Variants in CASZ1 observed in about 807,000 individuals in gnomAD.
CASZ1 encodes castor zinc finger 1, also known as zinc finger protein castor homolog 1.
A neutral mutation model predicts 135.2 loss-of-function variants in CASZ1; 28 were observed. The ratio of observed to expected loss-of-function variants is 0.21; its 90% CI spans 0.15 to 0.28. The LOEUF is 0.28. Ranked by LOEUF, CASZ1 falls within the 10% of genes least tolerant of loss-of-function variation. The probability of loss-of-function intolerance (pLI) is 1.00; values close to 1 mark genes in which losing one functional copy is unlikely to be tolerated. For missense variants in CASZ1, 2,161 were observed against 2,453.3 expected, an observed-to-expected ratio of 0.88 and a Z score of 2.52; for synonymous variants, 1,068 against 1,073.4, an observed-to-expected ratio of 0.99 and a Z score of 0.10.
intron 4 of CASZ1, among the ~76,000 whole-genome samples, chr1:10,685,252 T>A (rs190859788): frequency 3.3e-5 from 5 of 151,534 alleles, no homozygotes; most frequent in Admixed American, 2.6e-4. Context: ...TAGAGGGGAG[T>A]CTGGGGAGAA....
At position 10,774,269 on chromosome 1, in the gene CASZ1, C is replaced by G. The variant is rs1001786068; in HGVS notation, c.-233-13412G>C. On this transcript the variant is annotated intron_variant, in intron 1 of 20. Coordinates refer to ENST00000377022, the MANE Select transcript of CASZ1 (RefSeq NM_001079843.3). The surrounding 1 kb of genome is among the most constrained non-coding windows in gnomAD (Gnocchi z 4.4). Reference sequence around the variant, plus strand: ...GTATATCTCCTGACTCTCGGAGAATCGGGAACCATTTCAAAAGCTAAACAA... The same window carrying G: ...GTATATCTCCTGACTCTCGGAGAATGGGGAACCATTTCAAAAGCTAAACAA... 6.6e-6 allele frequency among the ~76,000 whole-genome samples: 1 copy of G among 152,156 alleles called. No individual in the cohort carries two copies. Among genetic ancestry groups the G allele is most frequent in the Non-Finnish European group, 1.5e-5 (1 of 68,008 alleles).
rs1215332251 is a variant in CASZ1 at position 10,709,179 on chromosome 1, C to T, written c.-76-3635G>A. Among the ~76,000 whole-genome samples the T allele has an allele frequency of 2.0e-5, 3 of 152,160 alleles. No individual in the cohort carries two copies. The highest frequency in any genetic ancestry group is 4.4e-5 in the Non-Finnish European group (3 of 68,014). On this transcript the variant is annotated intron_variant, in intron 2 of 20. Coordinates refer to ENST00000377022, the MANE Select transcript of CASZ1 (RefSeq NM_001079843.3). The surrounding 1 kb of genome is among the most constrained non-coding windows in gnomAD (Gnocchi z 5.1). ...GCTGCCCAGCTCCATATTTATGAAG[C>T]ACCAGGCCAGGCTCCTCGGCCAGCA... is the stretch of plus-strand genomic sequence containing the variant.
chr1:10,643,115 G>A (rs767080547), intron 19 of CASZ1, 45 bp downstream of exon 19: 14 of 1,602,080 alleles, frequency 8.7e-6, no homozygotes, highest in East Asian at 6.7e-5. Flanking sequence ...ACCATGATGC[G>A]TTCCCGCCAC....
intron 15 of CASZ1, 69 bp from the exon 16 acceptor site, chr1:10,648,208 C>A: frequency 8.6e-7 from 1 of 1,160,008 alleles, no homozygotes; most frequent in Non-Finnish European, 1.2e-6. Context: ...ATGCATGTGA[C>A]CCCATCACAG....
In CASZ1 at chr1:10,788,507, G is replaced by A. The variant is rs776913; in HGVS notation, c.-234+8057C>T. Reference sequence around the variant, plus strand: ...AAGTATAAGCAACATTTATGCTTACGAGATTTTTTTTATTAAGAGGATTCT... The same window carrying A: ...AAGTATAAGCAACATTTATGCTTACAAGATTTTTTTTATTAAGAGGATTCT... On this transcript the variant is annotated intron_variant, in intron 1 of 20. Transcript: ENST00000377022. The surrounding 1 kb of genome is among the most constrained non-coding windows in gnomAD (Gnocchi z 4.1). Among the ~76,000 whole-genome samples the A allele has an allele frequency of 0.053, 8,125 of 152,258 alleles. 738 individuals carry two copies. The highest frequency in any genetic ancestry group is 0.18 in the African/African-American group (7,534 of 41,510).
chr1:10,786,701 C>A (rs368396965), intron 1 of CASZ1, among the ~76,000 whole-genome samples: 1 of 152,172 alleles, frequency 6.6e-6, no homozygotes, highest in African/African-American at 2.4e-5. Context: ...CGATTTTGAT[C>A]CCCAGCTAAC....
chr1:10,669,761 C>T (rs373690775), intron 4 of CASZ1, among the ~76,000 whole-genome samples: 5 of 142,218 alleles, frequency 3.5e-5, no homozygotes, highest in South Asian at 2.6e-4. Context: ...CCTGCCTCAA[C>T]GGTGGGTGGG....
At chr1:10,778,581 T>C (rs1056647753) in intron 1 of CASZ1, among the ~76,000 whole-genome samples, 3 of 152,090 alleles carry the variant, frequency 2.0e-5, no homozygotes, top group Admixed American at 2.0e-4. Flanking sequence ...AAACAACATA[T>C]GATCTCACAC....
chr1:10,656,562 C>T (rs1642803289), intron 8 of CASZ1, 84 bp downstream of exon 8: 3 of 1,061,768 alleles, frequency 2.8e-6, no homozygotes, highest in Non-Finnish European at 4.2e-6. Flanking sequence ...ACCCCCCCCA[C>T]TGCCGTCCCC....
chr1:10,664,822 C>G (rs2100288097), intron 5 of CASZ1, among the ~76,000 whole-genome samples: 1 of 150,062 alleles, frequency 6.7e-6, no homozygotes, highest in East Asian at 2.0e-4. Context: ...CTCCCTCCCT[C>G]CCTCCCCACC....
In CASZ1 at chr1:10,647,980, G is replaced by C; in HGVS notation, c.3318C>G (p.Ser1106Arg). ...TGGGGGTGGAGGGCACGGAGGCCGG[G>C]CTGGGAGCGGGCCCCTCCAGAGAGG... is the stretch of plus-strand genomic sequence containing the variant. ...TVSSLEGPAP[S>R]PASVPSTPTL... The change falls in exon 16 of 21, where the codon AGC (serine) becomes AGG (arginine). Residue 1106 changes from serine (S) to arginine (R), a missense_variant. Physicochemically the swap from Ser to Arg is moderately radical, Grantham distance 110. Coordinates refer to ENST00000377022, the MANE Select transcript of CASZ1 (RefSeq NM_001079843.3). The surrounding 1 kb of genome is among the most constrained non-coding windows in gnomAD (Gnocchi z 4.9). 1 of 1,607,204 alleles carries C rather than the reference G, an allele frequency of 6.2e-7. No homozygotes were observed. Among genetic ancestry groups the C allele is most frequent in the Non-Finnish European group, 8.5e-7 (1 of 1,176,428 alleles).
rs1456335301 is a variant in CASZ1, at chr1:10,725,156, G to A, written c.-76-19612C>T. Among the ~76,000 whole-genome samples, 9 of 152,306 alleles carry A rather than the reference G, an allele frequency of 5.9e-5. No homozygotes were observed. The East Asian group carries it at 1.7e-3, about 29-fold the overall frequency. ...TTCCCTAGTTGGCCAGGGAGCCCTGGATGGATACGGCGAGAACGTGTTAAG... is the reference window on the plus strand; with the variant it reads ...TTCCCTAGTTGGCCAGGGAGCCCTGAATGGATACGGCGAGAACGTGTTAAG... On this transcript the variant is annotated intron_variant, in intron 2 of 20. Transcript: ENST00000377022. The surrounding 1 kb of genome is among the most constrained non-coding windows in gnomAD (Gnocchi z 4.4).
chr1:10,710,070 G>A (rs1639257660), intron 2 of CASZ1, among the ~76,000 whole-genome samples: 1 of 152,228 alleles, frequency 6.6e-6, no homozygotes, highest in Admixed American at 6.5e-5. Flanking sequence ...AAGGGCCCTC[G>A]TCCTTTGGGG....
chr1:10,769,410 T>C (rs1363133838), intron 1 of CASZ1, among the ~76,000 whole-genome samples: 1 of 152,228 alleles, frequency 6.6e-6, no homozygotes, highest in Non-Finnish European at 1.5e-5. Context: ...AGCTAGAGGC[T>C]TGGATAGCAC....
chr1:10,656,784 C>T, intron 7 of CASZ1, 48 bp from the exon 8 acceptor site: 2 of 1,022,312 alleles, frequency 2.0e-6, no homozygotes, highest in Non-Finnish European at 1.5e-6. Context: ...GGTGACAGTC[C>T]CAGCCCCAGC....
At position 10,739,202 on chromosome 1, in the gene CASZ1, T is replaced by A. The variant is rs970913714; in HGVS notation, c.-77+21499A>T. Among the ~76,000 whole-genome samples the A allele has an allele frequency of 6.6e-6, 1 of 152,182 alleles. No individual in the cohort carries two copies. The highest frequency in any genetic ancestry group is 2.4e-5 in the African/African-American group (1 of 41,450). ...CAGGCCGGCGGCCAGTCCCCGGGCG[T>A]ACAGCGTGCGGTGCAACCTGCAGCT... On this transcript the variant is annotated intron_variant, in intron 2 of 20. Transcript: ENST00000377022. The surrounding 1 kb of genome is among the most constrained non-coding windows in gnomAD (Gnocchi z 4.8).
chr1:10,677,987 G>A (rs995153495), intron 4 of CASZ1, among the ~76,000 whole-genome samples: 1 of 152,202 alleles, frequency 6.6e-6, no homozygotes, highest in East Asian at 1.9e-4. Flanking sequence ...AAATGGGTAG[G>A]ACGTGTGTGG....
At chr1:10,730,246 A>C (rs1639678991) in intron 2 of CASZ1, among the ~76,000 whole-genome samples, 1 of 151,700 alleles carries the variant, frequency 6.6e-6, no homozygotes. Flanking sequence ...GAGTAGCTGG[A>C]ATTACAGGTG....
At chr1:10,682,373 A>G (rs887672569) in intron 4 of CASZ1, among the ~76,000 whole-genome samples, 18 of 152,076 alleles carry the variant, frequency 1.2e-4, no homozygotes, top group African/African-American at 4.1e-4. Context: ...CTGCAGAGGC[A>G]GAGGGAGGAG....
Sources: gnomAD v4.1 joint callset for allele counts (sites outside exome capture counted in the v4.1 genomes callset) on GRCh38, gnomAD v4.1.1 for gene constraint, Gnocchi (gnomAD v3.1) non-coding constraint, MANE v1.5 for transcripts, NCBI Gene and HGNC (gene_info 2026-07-23, HGNC 2026-07-21) for gene names.